HNRNPK: variants seen among roughly 807,000 people sequenced by gnomAD.
HNRNPK encodes heterogeneous nuclear ribonucleoprotein K, also known as dC-stretch binding protein.
Under a neutral mutation model 67.0 loss-of-function variants are expected in HNRNPK, and 7 were observed. That is an observed-to-expected ratio of 0.10 (90% CI 0.06 to 0.20). The LOEUF (loss-of-function observed/expected upper bound fraction) is 0.20. Ranked by LOEUF, HNRNPK falls within the 10% of genes least tolerant of loss-of-function variation. The pLI is 1.00. For missense variants in HNRNPK, 264 were observed against 606.5 expected (o/e 0.44, Z 5.93); for synonymous variants, 213 against 193.7 (o/e 1.10, Z -0.83).
At chr9:83,971,828 AATAATTC>A in intron 11 of HNRNPK, 47 bp downstream of exon 11, 1 of 1,571,736 alleles carries the variant, frequency 6.4e-7, no homozygotes, top group Non-Finnish European at 8.6e-7. Flanking sequence ...CTTGCAGGTT[AATAATTC>A]ATAGATGGGG....
intron 11 of HNRNPK, 52 bp from the exon 12 acceptor site, chr9:83,971,778 T>C (rs774059689): frequency 1.3e-6 from 2 of 1,598,248 alleles, no homozygotes; most frequent in Non-Finnish European, 1.7e-6. Flanking sequence ...GCCACACATA[T>C]CAAATCAAAG....
chr9:83,978,156 G>C, intron 3 of HNRNPK, 39 bp downstream of exon 3: 1 of 1,317,150 alleles, frequency 7.6e-7, no homozygotes, highest in Non-Finnish European at 1.1e-6. Context: ...TTTATTAACA[G>C]GATAAAAAAA....
chr9:83,972,002 C>G lies in HNRNPK; in HGVS notation c.833G>C (p.Arg278Thr). ...ACGAGGGCTCATATCATCATAATCTCTTCTAGATGGAGGCATGGGACGCCC... is the reference window on the plus strand; with the variant it reads ...ACGAGGGCTCATATCATCATAATCTGTTCTAGATGGAGGCATGGGACGCCC... ...RGGRPMPPSR[R>T]DYDDMSPRRG... The change falls in exon 11 of 17, where the codon AGA becomes ACA. Residue 278 changes from arginine (R) to threonine (T), a missense_variant. Physicochemically the swap from Arg to Thr is moderately conservative, Grantham distance 71 (BLOSUM62 -1). Around this residue, in one of 6 missense-constraint regions of HNRNPK, gnomAD observed 142 missense variants for 256.5 expected, o/e 0.55. Coordinates refer to ENST00000376263, the MANE Select transcript of HNRNPK (RefSeq NM_031263.4). The G allele has an allele frequency of 2.5e-6, 4 of 1,613,848 alleles. No individual in the cohort carries two copies. The highest frequency in any genetic ancestry group is 3.4e-6 in the Non-Finnish European group (4 of 1,179,854).
intron 13 of HNRNPK, 39 bp from the exon 14 acceptor site, chr9:83,970,951 G>A (rs755668461): frequency 1.2e-5 from 19 of 1,592,346 alleles, no homozygotes; most frequent in South Asian, 4.4e-5. Flanking sequence ...TTACTTTGCC[G>A]TTGTAATTAC....
At chr9:83,977,196 A>T (rs1957108177) in intron 4 of HNRNPK, 145 bp from the exon 5 acceptor site, 1 of 622,250 alleles carries the variant, frequency 1.6e-6, no homozygotes. Context: ...CGACCAGGCC[A>T]AAACCAAACC....
chr9:83,971,631 C>T, intron 12 of HNRNPK, 41 bp downstream of exon 12: 1 of 1,504,524 alleles, frequency 6.6e-7, no homozygotes. Context: ...TGTGACAACC[C>T]TCACATACCC....
At chr9:83,974,836 T>C (rs1427785466) in intron 6 of HNRNPK, among the ~76,000 whole-genome samples, 2 of 152,150 alleles carry the variant, frequency 1.3e-5, no homozygotes, top group Non-Finnish European at 2.9e-5. Context: ...AGGGCTCAGA[T>C]TAAGTGGGCA....
chr9:83,972,339 A>G (rs925741113), intron 10 of HNRNPK, 150 bp from the exon 11 acceptor site: 2 of 614,672 alleles, frequency 3.3e-6, no homozygotes, highest in Non-Finnish European at 5.6e-6. Flanking sequence ...CAACGCTAAA[A>G]GTAGCAAAGT....
chr9:83,970,068 C>A, intron 16 of HNRNPK, 94 bp downstream of exon 16: 1 of 1,026,460 alleles, frequency 9.7e-7, no homozygotes, highest in Non-Finnish European at 1.4e-6. Context: ...GGTTGAGACA[C>A]CATGGCTTCT....
At chr9:83,979,610 C>A (rs551710262) in intron 1 of HNRNPK, among the ~76,000 whole-genome samples, 1 of 152,210 alleles carries the variant, frequency 6.6e-6, no homozygotes, top group East Asian at 1.9e-4. Flanking sequence ...CCTCTCCTCA[C>A]CCGGATCCGA....
intron 7 of HNRNPK, among the ~76,000 whole-genome samples, 160 bp downstream of exon 7, chr9:83,974,357 A>AC (rs1426777425): frequency 6.6e-6 from 1 of 151,810 alleles, no homozygotes; most frequent in African/African-American, 2.4e-5. Context: ...AAAAAAAAAA[A>AC]AACAAATTAC....
chr9:83,974,260 A>G (rs1956975146), intron 7 of HNRNPK, among the ~76,000 whole-genome samples: 1 of 151,740 alleles, frequency 6.6e-6, no homozygotes, highest in Non-Finnish European at 1.5e-5. Context: ...ACTAAAGCCC[A>G]TAAAATACAT....
In HNRNPK at chr9:83,970,904, G is replaced by A. The variant is rs756956721; in HGVS notation, c.1101C>T (p.Ser367=). ...WQMAYEPQGG[S]GYDYSYAGGR... is the part of the protein sequence containing the mutation. Reference sequence around the variant, plus strand: ...ACAAAGGAGAGAACTTACCATATCCGGAGCCACCCTAAAAACAGAAAGAAA... The same window carrying A: ...ACAAAGGAGAGAACTTACCATATCCAGAGCCACCCTAAAAACAGAAAGAAA... The change falls in exon 14 of 17, where the codon TCC becomes TCT. Residue 367 remains serine, a synonymous_variant. Transcript: ENST00000376263. 101 of 1,612,612 alleles carry A rather than the reference G, an allele frequency of 6.3e-5. 1 individual carries two copies. Among genetic ancestry groups the A allele is most frequent in the Admixed American group, 8.3e-5 (5 of 59,964 alleles).
intron 10 of HNRNPK, 72 bp downstream of exon 10, chr9:83,972,772 G>A: frequency 8.4e-7 from 1 of 1,189,480 alleles, no homozygotes; most frequent in Admixed American, 2.3e-5. Context: ...TAAATGCTCT[G>A]AAGCTACTTT....
chr9:83,969,936 G>C, intron 16 of HNRNPK: 2 of 649,312 alleles, frequency 3.1e-6, no homozygotes, highest in Non-Finnish European at 5.8e-6. Flanking sequence ...AGAGAAATGA[G>C]AAGTTTGCTT....
At chr9:83,973,116 T>C (rs1956927934) in intron 9 of HNRNPK, 144 bp from the exon 10 acceptor site, 2 of 775,114 alleles carry the variant, frequency 2.6e-6, no homozygotes, top group Non-Finnish European at 4.2e-6. Flanking sequence ...TGCAATGGTA[T>C]AAAAATTTTG....
chr9:83,975,419 CTCTT>C (rs1957031945), intron 6 of HNRNPK, 39 bp downstream of exon 6: 2 of 1,574,128 alleles, frequency 1.3e-6, no homozygotes, highest in Non-Finnish European at 1.7e-6. Flanking sequence ...ATACATTTCT[CTCTT>C]TCTAATCAGG....
rs749313816 is a variant in HNRNPK at position 83,971,348 on chromosome 9, G to A, written c.1017C>T (p.Phe339=). 5 of 1,606,422 alleles carry A rather than the reference G, an allele frequency of 3.1e-6. No homozygotes were observed. The African/African-American group carries it at 5.4e-5, about 17-fold the overall frequency. The change falls in exon 13 of 17, where the codon TTC becomes TTT. Residue 339 remains phenylalanine, a synonymous_variant. Coordinates refer to ENST00000376263, the MANE Select transcript of HNRNPK (RefSeq NM_031263.4). ...PGDRYDGMVG[F]SADETWDSAI... is the part of the protein sequence containing the mutation. ...CAGAGTCCCAAGTTTCATCAGCACT[G>A]AAACCAACCTGTTAGAGATAAAAAC...
chr9:83,970,363 G>A (rs373007437), intron 15 of HNRNPK, 32 bp from the exon 16 acceptor site: 50 of 1,543,122 alleles, frequency 3.2e-5, no homozygotes, highest in African/African-American at 2.9e-4. Context: ...ATGTGTTTAC[G>A]ATATACTTTT....
Sources: gnomAD v4.1 joint callset for allele counts (sites outside exome capture counted in the v4.1 genomes callset) on GRCh38, gnomAD v4.1.1 for gene constraint, gnomAD v4.1.1 regional missense constraint, MANE v1.5 for transcripts, NCBI Gene and HGNC (gene_info 2026-07-23, HGNC 2026-07-21) for gene names.